PTPRN2: variants seen among roughly 807,000 people sequenced by gnomAD.
The protein encoded by PTPRN2 is receptor-type tyrosine-protein phosphatase N2.
Under a neutral mutation model 118.8 loss-of-function variants are expected in PTPRN2, and 74 were observed. The observed-to-expected ratio is 0.62, with a 90% CI of 0.52 to 0.76. The LOEUF (loss-of-function observed/expected upper bound fraction) is 0.76. Ranked by LOEUF, PTPRN2 falls within the 30% of genes least tolerant of loss-of-function variation. PTPRN2 has a pLI of 0.00. For synonymous variants in PTPRN2, 641 were observed against 608.0 expected, an observed-to-expected ratio of 1.05 and a Z score of -0.80; for missense variants, 1,481 against 1,394.4, an observed-to-expected ratio of 1.06 and a Z score of -0.99.
rs182491828 is a variant in PTPRN2, at chr7:157,860,625, C to T, written c.1788+38048G>A. ...ATACCACTCCATGCAAATCTCATTT[C>T]TGTTCTTTAACGATGCCTTTTAATA... On this transcript the variant is annotated intron_variant, in intron 12 of 22. Transcript: ENST00000389418. Among the ~76,000 whole-genome samples the T allele has an allele frequency of 4.6e-5, 7 of 152,378 alleles. No individual in the cohort carries two copies. The East Asian group carries it at 1.3e-3, about 29-fold the overall frequency.
chr7:157,701,582 C>A (rs2150864667), intron 12 of PTPRN2, among the ~76,000 whole-genome samples: 1 of 152,296 alleles, frequency 6.6e-6, no homozygotes, highest in South Asian at 2.1e-4. Context: ...AGGGGCGTCT[C>A]CTCCTGTCAC....
chr7:158,159,090 C>T (rs1225264816), intron 6 of PTPRN2, among the ~76,000 whole-genome samples: 1 of 33,136 alleles, frequency 3.0e-5, no homozygotes, highest in South Asian at 7.3e-4. Context: ...TGAGTGAACG[C>T]GGGAGAATCA....
At chr7:157,621,688 G>A (rs545326814) in intron 14 of PTPRN2, among the ~76,000 whole-genome samples, 179 bp from the exon 15 acceptor site, 5 of 152,370 alleles carry the variant, frequency 3.3e-5, no homozygotes, top group African/African-American at 4.8e-5. Context: ...CCATGCAACC[G>A]TTAAGTGAAA....
chr7:158,293,405 G>A (rs563254451), intron 3 of PTPRN2, among the ~76,000 whole-genome samples: 7 of 151,902 alleles, frequency 4.6e-5, no homozygotes, highest in South Asian at 2.1e-4. Context: ...GTTAAACCCC[G>A]TCTCTACTAA....
chr7:158,134,048 CAG>C lies in PTPRN2; in HGVS notation c.1183_1184del (p.Leu395GlufsTer37). On this transcript the variant is annotated frameshift_variant, in exon 9 of 23. Transcript: ENST00000389418. LOFTEE classifies it high-confidence loss of function. ...GCAGGAGGCCCCCGAGTGTGGCACTCAGACGATGGACCTGACAGAGAGGACAT... is the reference window on the plus strand; with the variant it reads ...GCAGGAGGCCCCCGAGTGTGGCACTCACGATGGACCTGACAGAGAGGACAT... ...DDRLYQEVHR[L>X]SATLGGLLQD... is the part of the protein sequence containing the mutation. 3 of 1,613,276 alleles carry C rather than the reference CAG, an allele frequency of 1.9e-6. No individual in the cohort carries two copies. Among genetic ancestry groups the C allele is most frequent in the Non-Finnish European group, 2.5e-6 (3 of 1,179,664 alleles).
At chr7:157,889,971 C>T (rs1432655570) in intron 12 of PTPRN2, among the ~76,000 whole-genome samples, 1 of 152,182 alleles carries the variant, frequency 6.6e-6, no homozygotes, top group Non-Finnish European at 1.5e-5. Context: ...ACACAGCTGC[C>T]TTTAAGTTTA....
chr7:158,108,785 A>G (rs566048804), intron 10 of PTPRN2, among the ~76,000 whole-genome samples: 24 of 152,328 alleles, frequency 1.6e-4, no homozygotes, highest in African/African-American at 5.3e-4. Flanking sequence ...TTCCTAATAA[A>G]TGGCAGAATT....
intron 11 of PTPRN2, among the ~76,000 whole-genome samples, chr7:158,048,305 A>G (rs1809030568): frequency 6.6e-6 from 1 of 152,130 alleles, no homozygotes; most frequent in African/African-American, 2.4e-5. Context: ...TGTGGGGAAA[A>G]GTCCTACATG....
intron 3 of PTPRN2, among the ~76,000 whole-genome samples, chr7:158,266,115 G>A (rs75552701): frequency 0.29 from 23,639 of 81,960 alleles, 168 homozygotes; most frequent in African/African-American, 0.35. Flanking sequence ...CGTCTGCTGC[G>A]GGGTATTGTC....
intron 3 of PTPRN2, among the ~76,000 whole-genome samples, chr7:158,265,540 A>T (rs1284283005): frequency 6.6e-6 from 1 of 152,140 alleles, no homozygotes; most frequent in Non-Finnish European, 1.5e-5. Flanking sequence ...CCCTCTGCAC[A>T]GCCCCCTTGC....
intron 12 of PTPRN2, among the ~76,000 whole-genome samples, chr7:157,762,295 G>T (rs554740702): frequency 1.3e-5 from 2 of 152,002 alleles, no homozygotes; most frequent in Non-Finnish European, 2.9e-5. Context: ...ACATGCACAC[G>T]TATGTTTATT....
chr7:157,772,898 G>A (rs940523377), intron 12 of PTPRN2, among the ~76,000 whole-genome samples: 7 of 152,228 alleles, frequency 4.6e-5, no homozygotes, highest in Non-Finnish European at 8.8e-5. Context: ...GCTTGGAGCC[G>A]TGGAGCTGGA....
intron 8 of PTPRN2, among the ~76,000 whole-genome samples, chr7:158,134,749 CT>C (rs1446262896): frequency 1.3e-5 from 2 of 152,238 alleles, no homozygotes; most frequent in Admixed American, 6.5e-5. Context: ...TCGGAACCCC[CT>C]GGCACCTCTG....
At chr7:157,848,392 G>A (rs1461500652) in intron 12 of PTPRN2, among the ~76,000 whole-genome samples, 3 of 148,230 alleles carry the variant, frequency 2.0e-5, no homozygotes, top group Admixed American at 6.7e-5. Context: ...TACATCATAT[G>A]TGCCCAATGT....
chr7:158,097,548 C>T (rs1814731103), intron 10 of PTPRN2, among the ~76,000 whole-genome samples: 1 of 152,210 alleles, frequency 6.6e-6, no homozygotes, highest in Admixed American at 6.5e-5. Flanking sequence ...TGGAAGAGAA[C>T]TGTCACAGAG....
At chr7:157,970,053 C>T (rs528798943) in intron 11 of PTPRN2, among the ~76,000 whole-genome samples, 22 of 152,068 alleles carry the variant, frequency 1.4e-4, no homozygotes, top group African/African-American at 5.3e-4. Flanking sequence ...ATTGGTGGCC[C>T]TGGCAAGGAA....
In PTPRN2 at chr7:158,570,632, T is replaced by A. The variant is rs1319704811; in HGVS notation, c.112+16926A>T. On this transcript the variant is annotated intron_variant, in intron 1 of 22. Transcript: ENST00000389418. The surrounding 1 kb of genome is among the most constrained non-coding windows in gnomAD (Gnocchi z 4.5). The stretch of plus-strand genomic sequence containing the variant: ...CACACAGTCTCCTTGATGTGAAGTG[T>A]CACCCGGCTTGCTGCGGCGTGTCTC... 6.6e-6 allele frequency among the ~76,000 whole-genome samples: 1 copy of A among 152,162 alleles called. No homozygotes were observed. The highest frequency in any genetic ancestry group is 1.5e-5 in the Non-Finnish European group (1 of 68,040).
intron 12 of PTPRN2, among the ~76,000 whole-genome samples, chr7:157,805,188 C>G (rs1391544239): frequency 6.6e-6 from 1 of 152,218 alleles, no homozygotes; most frequent in Non-Finnish European, 1.5e-5. Context: ...CTGGGAGTCT[C>G]TGTTCCTCTC....
chr7:158,407,179 C>CGTCCTGGGTCCTGGGTCCTGCGTCCTGG (rs1813558295), intron 2 of PTPRN2, among the ~76,000 whole-genome samples: 1 of 48,058 alleles, frequency 2.1e-5, no homozygotes, highest in South Asian at 1.2e-3. Flanking sequence ...CTGCGTCCTG[C>CGTCCTGGGTCCTGGGTCCTGCGTCCTGG]GTCCTGGGTC....
Sources: gnomAD v4.1 joint callset for allele counts (sites outside exome capture counted in the v4.1 genomes callset) on GRCh38, gnomAD v4.1.1 for gene constraint, Gnocchi (gnomAD v3.1) non-coding constraint, MANE v1.5 for transcripts, NCBI Gene and HGNC (gene_info 2026-07-23, HGNC 2026-07-21) for gene names.